RPSA2: variants seen among roughly 807,000 people sequenced by gnomAD.
RPSA2 encodes the protein ribosomal protein SA 2.
the RPSA2 span, among the ~76,000 whole-genome samples, chr19:23,769,113 G>A: frequency 6.6e-6 from 1 of 152,208 alleles, no homozygotes. Context: ...CCATCGCTGA[G>A]ACTGTGTGAC....
chr19:23,792,181 C>A, the RPSA2 span, among the ~76,000 whole-genome samples: 1 of 152,198 alleles, frequency 6.6e-6, no homozygotes, highest in Non-Finnish European at 1.5e-5. Flanking sequence ...CTGAATTTTT[C>A]TAACACTTAG....
At chr19:23,854,838 C>T in the RPSA2 span, among the ~76,000 whole-genome samples, 1 of 152,136 alleles carries the variant, frequency 6.6e-6, no homozygotes. Context: ...GATCTAATGC[C>T]TTCACAAGCT....
chr19:23,816,741 C>A, the RPSA2 span, among the ~76,000 whole-genome samples: 1 of 152,124 alleles, frequency 6.6e-6, no homozygotes, highest in Non-Finnish European at 1.5e-5. Flanking sequence ...TTGAAGAGAC[C>A]TCACAATCAT....
chr19:23,840,365 G>T, the RPSA2 span, among the ~76,000 whole-genome samples: 1 of 151,986 alleles, frequency 6.6e-6, no homozygotes, highest in Non-Finnish European at 1.5e-5. Flanking sequence ...AATTTATACC[G>T]TGAAATATTG....
At chr19:23,836,778 A>AT in the RPSA2 span, among the ~76,000 whole-genome samples, 8 of 151,508 alleles carry the variant, frequency 5.3e-5, no homozygotes, top group African/African-American at 7.3e-5. Flanking sequence ...GATGTTGAGC[A>AT]TTTTTTTTAA....
the RPSA2 span, among the ~76,000 whole-genome samples, chr19:23,762,549 G>A: frequency 1.3e-5 from 2 of 151,586 alleles, no homozygotes; most frequent in African/African-American, 4.8e-5. Flanking sequence ...GGTGGCATGC[G>A]CCTGTAATCC....
chr19:23,836,536 T>G, the RPSA2 span, among the ~76,000 whole-genome samples: 4 of 152,196 alleles, frequency 2.6e-5, no homozygotes, highest in African/African-American at 4.8e-5. Flanking sequence ...AGATACCCAG[T>G]AGTGGGATTG....
chr19:23,832,892 G>A, the RPSA2 span: 6 of 1,564,522 alleles, frequency 3.8e-6, no homozygotes, highest in South Asian at 5.5e-5. Flanking sequence ...CCCTACAAAT[G>A]TGAGGAACGT....
At chr19:23,829,953 CAT>C in the RPSA2 span, among the ~76,000 whole-genome samples, 1 of 151,472 alleles carries the variant, frequency 6.6e-6, no homozygotes, top group Non-Finnish European at 1.5e-5. Flanking sequence ...CTTTTTGAAT[CAT>C]GTTATTTTCA....
chr19:23,805,043 C>CTTAGGTAAGGACAGGACAGTGTGG, the RPSA2 span, among the ~76,000 whole-genome samples: 3 of 151,860 alleles, frequency 2.0e-5, no homozygotes, highest in Non-Finnish European at 2.9e-5. Context: ...GACAGTGTGG[C>CTTAGGTAAGGACAGGACAGTGTGG]CAATATTTCT....
chr19:23,785,488 G>A, the RPSA2 span, among the ~76,000 whole-genome samples: 1 of 152,122 alleles, frequency 6.6e-6, no homozygotes, highest in African/African-American at 2.4e-5. Flanking sequence ...CCAGGTACCA[G>A]ACAATGTGTC....
chr19:23,771,569 G>A, the RPSA2 span, among the ~76,000 whole-genome samples: 2 of 152,150 alleles, frequency 1.3e-5, no homozygotes, highest in South Asian at 2.1e-4. Context: ...CTCCTGCCTG[G>A]GCCCAGTGTA....
At chr19:23,811,888 T>A in the RPSA2 span, among the ~76,000 whole-genome samples, 1 of 152,132 alleles carries the variant, frequency 6.6e-6, no homozygotes, top group African/African-American at 2.4e-5. Context: ...CAAAAAATTG[T>A]CAGTAGTTTC....
At chr19:23,829,099 T>G in the RPSA2 span, among the ~76,000 whole-genome samples, 1 of 152,210 alleles carries the variant, frequency 6.6e-6, no homozygotes, top group Admixed American at 6.5e-5. Flanking sequence ...GCTTGTGTGA[T>G]ATTATTTTGA....
the RPSA2 span, among the ~76,000 whole-genome samples, chr19:23,858,886 C>A: frequency 6.6e-6 from 1 of 152,302 alleles, no homozygotes; most frequent in Non-Finnish European, 1.5e-5. Context: ...AATCTTTGAG[C>A]CCTATGTAAA....
the RPSA2 span, among the ~76,000 whole-genome samples, chr19:23,829,540 A>T: frequency 6.6e-6 from 1 of 152,200 alleles, no homozygotes; most frequent in African/African-American, 2.4e-5. Context: ...ACTTCAGGTG[A>T]TCCACCCGCC....
the RPSA2 span, among the ~76,000 whole-genome samples, chr19:23,806,784 CAAAAAA>C: frequency 4.2e-5 from 3 of 71,378 alleles, no homozygotes; most frequent in East Asian, 3.6e-4. Flanking sequence ...GACTGAGTCT[CAAAAAA>C]AAAAAAAAAA....
At chr19:23,782,861 G>A in the RPSA2 span, among the ~76,000 whole-genome samples, 2 of 152,056 alleles carry the variant, frequency 1.3e-5, no homozygotes, top group African/African-American at 2.4e-5. Flanking sequence ...AAGAGACATT[G>A]TGACATGTCT....
chr19:23,814,272 A>G, the RPSA2 span, among the ~76,000 whole-genome samples: 3,320 of 151,868 alleles, frequency 0.022, 130 homozygotes, highest in African/African-American at 0.076. Context: ...TTTCACTTAT[A>G]GTTTCAGGAA....
Sources: allele counts gnomAD v4.1 joint callset (sites outside exome capture counted in the v4.1 genomes callset), GRCh38; gene constraint gnomAD v4.1.1; transcripts MANE v1.5; gene names NCBI Gene and HGNC (gene_info 2026-07-23, HGNC 2026-07-21).